Variants in KLF12 observed in about 807,000 individuals in gnomAD.
KLF12 encodes the protein Krueppel-like factor 12.
In KLF12, 9 loss-of-function variants were observed where a neutral mutation model predicts 37.8. That is an observed-to-expected ratio of 0.24 (90% CI 0.14 to 0.42). The LOEUF is 0.42. KLF12 is among the 10% of genes least tolerant of loss of function. The probability of loss-of-function intolerance (pLI) is 1.00; values close to 1 mark genes in which losing one functional copy is unlikely to be tolerated. For synonymous variants in KLF12, 208 were observed against 202.1 expected (o/e 1.03, Z -0.25); for missense variants, 411 against 516.0 (o/e 0.80, Z 1.97).
intron 3 of KLF12, among the ~76,000 whole-genome samples, chr13:73,938,827 G>A (rs1890063298): frequency 6.6e-6 from 1 of 152,144 alleles, no homozygotes; most frequent in African/African-American, 2.4e-5. Flanking sequence ...TCTGGCCAAG[G>A]TGGATATTTC....
At chr13:74,260,951 A>G in the KLF12 span, among the ~76,000 whole-genome samples, 1 of 152,212 alleles carries the variant, frequency 6.6e-6, no homozygotes, top group Non-Finnish European at 1.5e-5. Context: ...AAAGAAGTTC[A>G]TCAGCTTAAG....
At chr13:73,903,828 A>G (rs1888145361) in intron 3 of KLF12, among the ~76,000 whole-genome samples, 1 of 152,220 alleles carries the variant, frequency 6.6e-6, no homozygotes. Context: ...GGATTCTCAT[A>G]GGAGCGGGAG....
At chr13:74,198,632 G>T in the KLF12 span, among the ~76,000 whole-genome samples, 22 of 152,230 alleles carry the variant, frequency 1.4e-4, no homozygotes, top group Non-Finnish European at 2.9e-4. Context: ...GTACCTCTTT[G>T]TTATTTTGTT....
the KLF12 span, among the ~76,000 whole-genome samples, chr13:74,283,761 T>C: frequency 0.77 from 117,637 of 152,132 alleles, 45,738 homozygotes; most frequent in South Asian, 0.88. Flanking sequence ...TCTTAAAGAA[T>C]TAAACCCTAT....
At chr13:73,923,646 G>T (rs1039691893) in intron 3 of KLF12, among the ~76,000 whole-genome samples, 1 of 152,142 alleles carries the variant, frequency 6.6e-6, no homozygotes, top group Non-Finnish European at 1.5e-5. Flanking sequence ...GTCCCCAGAA[G>T]CCCAATGAAC....
intron 3 of KLF12, among the ~76,000 whole-genome samples, chr13:73,934,913 C>T (rs1193010312): frequency 1.3e-5 from 2 of 151,298 alleles, no homozygotes; most frequent in African/African-American, 4.9e-5. Flanking sequence ...TATTTCTTTT[C>T]TCTCTGTGCT....
chr13:74,203,191 C>T, the KLF12 span, among the ~76,000 whole-genome samples: 1 of 152,128 alleles, frequency 6.6e-6, no homozygotes, highest in East Asian at 1.9e-4. Flanking sequence ...GAGATGATAT[C>T]TCTTTGCAAA....
chr13:73,909,082 A>G (rs1888451676), intron 3 of KLF12, among the ~76,000 whole-genome samples: 1 of 152,194 alleles, frequency 6.6e-6, no homozygotes, highest in African/African-American at 2.4e-5. Context: ...AATGGACAAC[A>G]ATACGTACTT....
At chr13:74,261,843 G>T in the KLF12 span, among the ~76,000 whole-genome samples, 3 of 152,154 alleles carry the variant, frequency 2.0e-5, no homozygotes, top group African/African-American at 7.2e-5. Context: ...GTAGTACACT[G>T]GTAAACTCTG....
At chr13:74,271,912 G>A in the KLF12 span, among the ~76,000 whole-genome samples, 2 of 152,186 alleles carry the variant, frequency 1.3e-5, no homozygotes, top group African/African-American at 4.8e-5. Flanking sequence ...AAGGGGCAAA[G>A]AACTCATGCC....
At chr13:73,873,528 C>T (rs2138890996) in intron 3 of KLF12, among the ~76,000 whole-genome samples, 1 of 152,246 alleles carries the variant, frequency 6.6e-6, no homozygotes, top group African/African-American at 2.4e-5. Context: ...ACCAAAACTA[C>T]ATTTTATAAT....
At chr13:73,807,810 T>C (rs28500597) in intron 5 of KLF12, among the ~76,000 whole-genome samples, 30,184 of 152,122 alleles carry the variant, frequency 0.2, 3,578 homozygotes, top group East Asian at 0.45. Context: ...CCACTCTTCC[T>C]CTCTTCAGTT....
At chr13:74,182,553 G>C in the KLF12 span, among the ~76,000 whole-genome samples, 2 of 152,182 alleles carry the variant, frequency 1.3e-5, no homozygotes, top group Non-Finnish European at 2.9e-5. Context: ...AGAAATGGCT[G>C]GGATTAGTAG....
At chr13:74,227,039 T>C in the KLF12 span, among the ~76,000 whole-genome samples, 10 of 152,298 alleles carry the variant, frequency 6.6e-5, no homozygotes, top group African/African-American at 2.4e-4. Flanking sequence ...TCATGTTTCT[T>C]CACTGTTTTG....
chr13:74,213,719 A>C, the KLF12 span, among the ~76,000 whole-genome samples: 1 of 151,552 alleles, frequency 6.6e-6, no homozygotes, highest in African/African-American at 2.4e-5. Flanking sequence ...ATATATTAAC[A>C]TAGTTCGAAC....
chr13:74,298,400 A>C, the KLF12 span, among the ~76,000 whole-genome samples: 1 of 152,204 alleles, frequency 6.6e-6, no homozygotes, highest in African/African-American at 2.4e-5. Context: ...GCTTCATTAA[A>C]GATGCCCTTC....
At chr13:74,261,551 G>A in the KLF12 span, among the ~76,000 whole-genome samples, 3 of 152,094 alleles carry the variant, frequency 2.0e-5, no homozygotes, top group Non-Finnish European at 4.4e-5. Context: ...AAAAGTTTGT[G>A]ATAAAGTAAC....
intron 1 of KLF12, among the ~76,000 whole-genome samples, chr13:74,051,084 G>A (rs1487127713): frequency 6.6e-6 from 1 of 152,112 alleles, no homozygotes; most frequent in Non-Finnish European, 1.5e-5. Context: ...CACTGCTGGT[G>A]GGAACAGAAA....
chr13:74,071,802 C>T (rs914162987), intron 1 of KLF12, among the ~76,000 whole-genome samples: 1 of 152,122 alleles, frequency 6.6e-6, no homozygotes, highest in African/African-American at 2.4e-5. Context: ...AGAGGCAACC[C>T]CATCATGAAG....
Sources: allele counts gnomAD v4.1 joint callset (sites outside exome capture counted in the v4.1 genomes callset), GRCh38; gene constraint gnomAD v4.1.1; transcripts MANE v1.5; gene names NCBI Gene and HGNC (gene_info 2026-07-23, HGNC 2026-07-21).